RGS3: variants seen among roughly 807,000 people sequenced by gnomAD.
RGS3 encodes the protein regulator of G protein signaling 3, also known as regulator of G-protein signalling 3.
A neutral mutation model predicts 132.6 loss-of-function variants in RGS3; 80 were observed. The observed-to-expected ratio is 0.60, with a 90% CI of 0.50 to 0.73. The LOEUF is 0.73. Among genes scored for constraint, RGS3 ranks in the 30% least tolerant of loss-of-function variants. RGS3 has a pLI of 0.00. For missense variants in RGS3, 1,382 were observed against 1,530.8 expected, an observed-to-expected ratio of 0.90 and a Z score of 1.62; for synonymous variants, 598 against 620.6, an observed-to-expected ratio of 0.96 and a Z score of 0.54.
chr9:113,596,988 G>T, exon 25 of RGS3: 1 of 1,553,652 alleles, frequency 6.4e-7, no homozygotes, highest in Non-Finnish European at 8.7e-7. Context: ...TTCACACCAG[G>T]CGGGCTGGGT....
intron 7 of RGS3, among the ~76,000 whole-genome samples, chr9:113,490,665 A>T (rs1180461641): frequency 3.4e-5 from 5 of 145,236 alleles, no homozygotes; most frequent in Non-Finnish European, 7.5e-5. Flanking sequence ...TATTATTATA[A>T]ATTATATAAT....
chr9:113,444,980 G>A (rs940991442), intron 1 of RGS3: 1 of 152,182 alleles, frequency 6.6e-6, no homozygotes. Flanking sequence ...GGAAGCAGAA[G>A]TAAGGCTTAA....
chr9:113,526,768 G>T (rs1182215601), intron 17 of RGS3, among the ~76,000 whole-genome samples: 1 of 152,212 alleles, frequency 6.6e-6, no homozygotes, highest in Non-Finnish European at 1.5e-5. Flanking sequence ...TGTATTCCTT[G>T]CGGGAAGCGA....
chr9:113,518,719 C>T (rs117075250), intron 16 of RGS3, among the ~76,000 whole-genome samples: 1,779 of 152,188 alleles, frequency 0.012, 22 homozygotes, highest in South Asian at 0.039. Flanking sequence ...TCCTCTTTTC[C>T]GAACCTCCTC....
intron 7 of RGS3, among the ~76,000 whole-genome samples, chr9:113,491,649 G>A (rs1377869024): frequency 6.6e-6 from 1 of 151,472 alleles, no homozygotes; most frequent in Non-Finnish European, 1.5e-5. Context: ...CCACCTCCTG[G>A]ATTCAAGTGA....
Position 113,591,274 on chromosome 9 carries a change from T to G in RGS3, c.3016-59T>G. The G allele has an allele frequency of 6.7e-7, 1 of 1,487,294 alleles. No homozygotes were observed. The highest frequency in any genetic ancestry group is 1.4e-5 in the African/African-American group (1 of 72,400). 92.1% of individuals were successfully genotyped at this position (1,487,294 alleles called of 1,614,324 possible). The stretch of plus-strand genomic sequence containing the variant: ...GAATGTTGGGTCTCTGAGCCTCTGT[T>G]TACTTAGGCAGGAGTTCCTGGGTGC... On this transcript the variant is annotated intron_variant, in intron 20 of 24. Coordinates refer to ENST00000350696, the Ensembl canonical transcript of RGS3. This position sits in a 1 kb window ranked among gnomAD's most constrained non-coding sequence, Gnocchi z 4.4.
upstream of RGS3, among the ~76,000 whole-genome samples, chr9:113,459,430 A>G (rs541365853): frequency 5.5e-4 from 84 of 152,316 alleles, 1 homozygote; most frequent in South Asian, 5.2e-3. Context: ...AATTTATACA[A>G]TAAGGTTGCA....
At chr9:113,521,400 G>A (rs891696548) in intron 16 of RGS3, among the ~76,000 whole-genome samples, 10 of 152,190 alleles carry the variant, frequency 6.6e-5, no homozygotes, top group South Asian at 2.1e-4. Context: ...AAATCAAAAT[G>A]TATCAATTAA....
chr9:113,518,161 A>G (rs1831769458), intron 16 of RGS3, among the ~76,000 whole-genome samples: 1 of 151,972 alleles, frequency 6.6e-6, no homozygotes, highest in South Asian at 2.1e-4. Flanking sequence ...TCTAATTGGG[A>G]GAACTTCATT....
intron 3 of RGS3, among the ~76,000 whole-genome samples, chr9:113,465,009 G>A (rs759446274): frequency 1.3e-5 from 2 of 152,206 alleles, no homozygotes; most frequent in Non-Finnish European, 1.5e-5. Flanking sequence ...TGGTCTAGTT[G>A]GTGGACGATA....
rs369493349 is a variant in RGS3, at chr9:113,596,005, T to C, written c.3411+240T>C. On this transcript the variant is annotated intron_variant, in intron 24 of 24. Coordinates refer to ENST00000350696, the Ensembl canonical transcript of RGS3. Reference sequence around the variant, plus strand: ...AGGCATGTGCTGAGCCCTTTATGTATGCGTTCTCATGTTTAATCCACACAA... The same window carrying C: ...AGGCATGTGCTGAGCCCTTTATGTACGCGTTCTCATGTTTAATCCACACAA... 4.7e-4 allele frequency among the ~76,000 whole-genome samples: 71 copies of C among 152,352 alleles called. 1 individual carries two copies. In the South Asian group the frequency reaches 0.014, roughly 31 times the overall value.
chr9:113,496,077 C>A (rs111405856), intron 8 of RGS3, among the ~76,000 whole-genome samples: 2,319 of 152,274 alleles, frequency 0.015, 64 homozygotes, highest in African/African-American at 0.053. Context: ...TGTTAGGCAG[C>A]CCCAAGTCTT....
At chr9:113,474,049 G>A (rs1022287842) in intron 3 of RGS3, among the ~76,000 whole-genome samples, 1 of 152,034 alleles carries the variant, frequency 6.6e-6, no homozygotes, top group Non-Finnish European at 1.5e-5. Flanking sequence ...AATCCCTTGT[G>A]AGTGATCCAT....
chr9:113,542,110 G>A (rs1376487421), intron 19 of RGS3: 1 of 154,302 alleles, frequency 6.5e-6, no homozygotes, highest in East Asian at 1.9e-4. Context: ...AGAGTGCTGT[G>A]TGTGGGGGTG....
chr9:113,558,587 C>A (rs1833665234), intron 19 of RGS3, among the ~76,000 whole-genome samples: 1 of 152,064 alleles, frequency 6.6e-6, no homozygotes, highest in Non-Finnish European at 1.5e-5. Flanking sequence ...GTTTGGGTGG[C>A]AGGATCGAGT....
In RGS3 at chr9:113,541,291, G is replaced by A. The variant is rs1211411015; in HGVS notation, c.2037+4373G>A. ...GCAGCCCGGCCTGAGTAGACAGCGA[G>A]CTAATTCCAGTTCTGTCTGGTTCCA... is the stretch of plus-strand genomic sequence containing the variant. On this transcript the variant is annotated intron_variant, in intron 19 of 24. Coordinates refer to ENST00000350696, the Ensembl canonical transcript of RGS3. The A allele has an allele frequency of 8.1e-6, 13 of 1,607,428 alleles. No individual in the cohort carries two copies. In the Admixed American group the frequency reaches 2.2e-4, roughly 27 times the overall value.
Position 113,506,831 on chromosome 9 carries a change from A to G in RGS3, c.1085+338A>G, listed in dbSNP as rs1239773317. On this transcript the variant is annotated intron_variant, in intron 12 of 24. Transcript: ENST00000350696. The surrounding 1 kb of genome is among the most constrained non-coding windows in gnomAD (Gnocchi z 4.7). ...ATTTAAGGGCATGAAGATGTTGCAA[A>G]TGTTTCAATTGCACAATTAAAAAAA... 1.3e-5 allele frequency among the ~76,000 whole-genome samples: 2 copies of G among 152,186 alleles called. No homozygotes were observed. Among genetic ancestry groups the G allele is most frequent in the Non-Finnish European group, 2.9e-5 (2 of 68,034 alleles).
chr9:113,479,899 C>T (rs1830106612), intron 4 of RGS3, among the ~76,000 whole-genome samples: 1 of 152,112 alleles, frequency 6.6e-6, no homozygotes. Flanking sequence ...CTATTTTTCT[C>T]ACTCATTCAT....
intron 17 of RGS3, among the ~76,000 whole-genome samples, chr9:113,524,886 G>A (rs1380178431): frequency 6.6e-6 from 1 of 152,222 alleles, no homozygotes; most frequent in Non-Finnish European, 1.5e-5. Context: ...TAGGGGTGGG[G>A]TGTGCTCCAT....
Sources: allele counts gnomAD v4.1 joint callset (sites outside exome capture counted in the v4.1 genomes callset), GRCh38; gene constraint gnomAD v4.1.1; non-coding constraint Gnocchi (gnomAD v3.1); transcripts MANE v1.5; gene names NCBI Gene and HGNC (gene_info 2026-07-23, HGNC 2026-07-21).